Variants in HACE1 observed in about 807,000 individuals in gnomAD.
HACE1 encodes the protein HECT domain and ankyrin repeat containing E3 ubiquitin protein ligase 1, also known as E3 ubiquitin-protein ligase HACE1.
A neutral mutation model predicts 118.4 loss-of-function variants in HACE1; 73 were observed. The observed-to-expected ratio is 0.62, with a 90% CI of 0.51 to 0.75. The LOEUF (loss-of-function observed/expected upper bound fraction) is 0.75, where lower values mean the gene tolerates loss of function less well. Among genes scored for constraint, HACE1 ranks in the 30% least tolerant of loss-of-function variants. HACE1 has a pLI of 0.00. For synonymous variants in HACE1, 368 were observed against 374.8 expected (o/e 0.98, Z 0.21); for missense variants, 749 against 1,102.2 (o/e 0.68, Z 4.54).
chr6:104,730,638 T>C, intron 22 of HACE1: 1 of 515,784 alleles, frequency 1.9e-6, no homozygotes, highest in Non-Finnish European at 3.5e-6. Flanking sequence ...AGCTATACTA[T>C]GCTTGCAACT....
chr6:104,766,241 T>C (rs1582362871), intron 19 of HACE1, among the ~76,000 whole-genome samples: 1 of 152,128 alleles, frequency 6.6e-6, no homozygotes, highest in East Asian at 1.9e-4. Context: ...GATGGAATCT[T>C]GGTGTGTTGA....
At chr6:104,844,711 G>A (rs1775479389) in intron 4 of HACE1, among the ~76,000 whole-genome samples, 1 of 146,606 alleles carries the variant, frequency 6.8e-6, no homozygotes. Context: ...TGCCCAGGCT[G>A]GAGTGCAATG....
At chr6:104,812,859 A>G (rs1324349537) in intron 6 of HACE1, among the ~76,000 whole-genome samples, 1 of 152,196 alleles carries the variant, frequency 6.6e-6, no homozygotes, top group Non-Finnish European at 1.5e-5. Flanking sequence ...AATAGAAGAA[A>G]CAGACTCTCC....
chr6:104,800,129 TCCTGCCAGGCTGCATGCAG>T (rs936212404), intron 7 of HACE1, among the ~76,000 whole-genome samples: 3 of 151,594 alleles, frequency 2.0e-5, no homozygotes, highest in Non-Finnish European at 2.9e-5. Context: ...TCTGAGATAG[TCCTGCCAGGCTGCATGCAG>T]CCTGGCGGGG....
chr6:104,782,198 T>C (rs1473047509), intron 14 of HACE1, among the ~76,000 whole-genome samples: 1 of 152,138 alleles, frequency 6.6e-6, no homozygotes, highest in Non-Finnish European at 1.5e-5. Context: ...GGTTAAGAAA[T>C]TGAACTTGTC....
chr6:104,751,881 C>T (rs1481363427), intron 19 of HACE1, among the ~76,000 whole-genome samples: 1 of 145,340 alleles, frequency 6.9e-6, no homozygotes, highest in Non-Finnish European at 1.5e-5. Context: ...TGTTTTAGCC[C>T]TCTTCCTTTA....
intron 20 of HACE1, among the ~76,000 whole-genome samples, chr6:104,747,875 C>A (rs1777599794): frequency 6.6e-6 from 1 of 152,090 alleles, no homozygotes; most frequent in East Asian, 1.9e-4. Context: ...AAATGTGAAT[C>A]AGCTCAACTT....
At chr6:104,828,386 C>T (rs1459574374) in intron 6 of HACE1, among the ~76,000 whole-genome samples, 1 of 151,972 alleles carries the variant, frequency 6.6e-6, no homozygotes, top group Admixed American at 6.5e-5. Flanking sequence ...AAAGTGTTCA[C>T]ATTTTCCTTA....
At chr6:104,730,488 A>G in intron 22 of HACE1, 72 bp from the exon 23 acceptor site, 1 of 808,552 alleles carries the variant, frequency 1.2e-6, no homozygotes, top group South Asian at 1.4e-5. Context: ...TTCAAGTTCT[A>G]AGTTAGGGTA....
At chr6:104,738,677 C>A (rs1776238553) in intron 22 of HACE1, among the ~76,000 whole-genome samples, 1 of 149,040 alleles carries the variant, frequency 6.7e-6, no homozygotes, top group Non-Finnish European at 1.5e-5. Flanking sequence ...GTGAAAAGAC[C>A]AAATCTATGT....
intron 19 of HACE1, among the ~76,000 whole-genome samples, chr6:104,766,090 A>G (rs1779974791): frequency 6.6e-6 from 1 of 152,184 alleles, no homozygotes; most frequent in Non-Finnish European, 1.5e-5. Context: ...CAGAGCAGAA[A>G]ATAAGCAAAA....
intron 6 of HACE1, among the ~76,000 whole-genome samples, chr6:104,818,274 G>A (rs59134318): frequency 0.032 from 4,794 of 152,058 alleles, 240 homozygotes; most frequent in African/African-American, 0.11. Flanking sequence ...GGACTACGTG[G>A]GCCTTCTAAT....
intron 22 of HACE1, among the ~76,000 whole-genome samples, chr6:104,737,330 G>C (rs775426176): frequency 7.2e-6 from 1 of 139,718 alleles, no homozygotes. Context: ...GAGGAGCCAA[G>C]ATGGCCAAAT....
intron 6 of HACE1, among the ~76,000 whole-genome samples, chr6:104,822,203 T>TAAAAAAAAAA (rs58454908): frequency 9.7e-6 from 1 of 102,976 alleles, no homozygotes; most frequent in Non-Finnish European, 1.8e-5. Context: ...CCGTCTCTAC[T>TAAAAAAAAAA]AAAAAAAAAA....
At chr6:104,809,446 T>A (rs1270304561) in intron 7 of HACE1, among the ~76,000 whole-genome samples, 1 of 151,988 alleles carries the variant, frequency 6.6e-6, no homozygotes, top group Non-Finnish European at 1.5e-5. Flanking sequence ...GCAAAACAAA[T>A]ACCATGTAGA....
At chr6:104,761,650 T>C (rs917546144) in intron 19 of HACE1, among the ~76,000 whole-genome samples, 9 of 152,180 alleles carry the variant, frequency 5.9e-5, no homozygotes, top group Non-Finnish European at 1.2e-4. Flanking sequence ...AAAGACTTCA[T>C]GTCTAAAACA....
At chr6:104,826,606 C>A (rs1773356317) in intron 6 of HACE1, among the ~76,000 whole-genome samples, 1 of 152,160 alleles carries the variant, frequency 6.6e-6, no homozygotes, top group African/African-American at 2.4e-5. Context: ...CATTTACTTG[C>A]TAAAATTAAG....
At chr6:104,741,369 T>G (rs1776665569) in intron 22 of HACE1, among the ~76,000 whole-genome samples, 1 of 150,830 alleles carries the variant, frequency 6.6e-6, no homozygotes, top group Non-Finnish European at 1.5e-5. Flanking sequence ...GAAGTCAAAT[T>G]GTCCCTGTTT....
intron 4 of HACE1, among the ~76,000 whole-genome samples, chr6:104,845,109 G>A (rs1256858333): frequency 6.6e-6 from 1 of 151,888 alleles, no homozygotes; most frequent in Non-Finnish European, 1.5e-5. Context: ...TGTAATATGA[G>A]GTTGGTGCAA....
Sources: gnomAD v4.1 joint callset for allele counts (sites outside exome capture counted in the v4.1 genomes callset) on GRCh38, gnomAD v4.1.1 for gene constraint, MANE v1.5 for transcripts, NCBI Gene and HGNC (gene_info 2026-07-23, HGNC 2026-07-21) for gene names.